The following INTS8 variants were observed in gnomAD, a reference collection of about 807,000 sequenced individuals.
The protein encoded by INTS8 is protein kaonashi-1.
In INTS8, 47 loss-of-function variants were observed where a neutral mutation model predicts 138.9. The ratio of observed to expected loss-of-function variants is 0.34; its 90% CI spans 0.27 to 0.43. The LOEUF is 0.43. INTS8 is among the 20% of genes least tolerant of loss of function. The pLI, the probability that INTS8 is intolerant of heterozygous loss-of-function variation, is 1.00. For missense variants in INTS8, 996 were observed against 1,173.0 expected, an observed-to-expected ratio of 0.85 and a Z score of 2.20; for synonymous variants, 392 against 400.9, an observed-to-expected ratio of 0.98 and a Z score of 0.27.
chr8:94,865,137 C>T (rs1816129462), intron 16 of INTS8, among the ~76,000 whole-genome samples: 1 of 151,962 alleles, frequency 6.6e-6, no homozygotes, highest in Non-Finnish European at 1.5e-5. Flanking sequence ...TTGGTGTATG[C>T]CTTCCATTAC....
Position 94,880,333 on chromosome 8 carries a change from G to C in INTS8, c.*99G>C, listed in dbSNP as rs1296397269. On this transcript the variant is annotated 3_prime_UTR_variant, in exon 27 of 27. Coordinates refer to ENST00000523731, the MANE Select transcript of INTS8 (RefSeq NM_017864.4). ...TATAATACATATGTACACAATTAGTGGTGTTTTCTTTTCAGACAAAATACT... is the reference window on the plus strand; with the variant it reads ...TATAATACATATGTACACAATTAGTCGTGTTTTCTTTTCAGACAAAATACT... 3 of 603,832 alleles carry C rather than the reference G, an allele frequency of 5.0e-6. No individual in the cohort carries two copies. The Admixed American group carries it at 1.0e-4, about 20-fold the overall frequency. 37.4% of individuals were successfully genotyped at this position (603,832 alleles called of 1,614,324 possible).
chr8:94,858,830 C>A (rs1262391162), intron 15 of INTS8, among the ~76,000 whole-genome samples: 1 of 152,178 alleles, frequency 6.6e-6, no homozygotes, highest in East Asian at 1.9e-4. Flanking sequence ...ACCTTTTTGG[C>A]TGAACAGTTT....
In INTS8 at chr8:94,881,499, G is replaced by C; in HGVS notation, c.*1265G>C. On this transcript the variant is annotated 3_prime_UTR_variant, in exon 27 of 27. Transcript: ENST00000523731. ...GTGCCAATTGTAAGTTTTAAAATCA[G>C]AATGGCAGTGTAACTTGTGAATTGG... 1 of 768,568 alleles carries C rather than the reference G, an allele frequency of 1.3e-6. No homozygotes were observed. The highest frequency in any genetic ancestry group is 2.1e-6 in the Non-Finnish European group (1 of 480,358). 47.6% of individuals were successfully genotyped at this position (768,568 alleles called of 1,614,324 possible). A position where few individuals can be genotyped will look rare whatever the true frequency, so the allele number is the denominator to read the frequency against.
intron 16 of INTS8, 124 bp downstream of exon 16, chr8:94,859,756 A>G (rs539076586): frequency 3.2e-5 from 23 of 728,102 alleles, no homozygotes; most frequent in Admixed American, 1.9e-4. Context: ...ATGCTTGTTG[A>G]TTTGTAGTTA....
rs1814440968 is a variant in INTS8 at position 94,825,082 on chromosome 8, A to G, written c.305+15A>G. ...TTAGAGAAAAGGTATCCAAGATTTCAGTGAAATTTCATTTGAAGTGCTATT... is the reference window on the plus strand; with the variant it reads ...TTAGAGAAAAGGTATCCAAGATTTCGGTGAAATTTCATTTGAAGTGCTATT... On this transcript the variant is annotated intron_variant, in intron 2 of 26. Coordinates refer to ENST00000523731, the MANE Select transcript of INTS8 (RefSeq NM_017864.4). 1.3e-6 allele frequency: 2 copies of G among 1,556,488 alleles called. No homozygotes were observed. Among genetic ancestry groups the G allele is most frequent in the African/African-American group, 1.4e-5 (1 of 73,162 alleles).
At chr8:94,844,381 A>G (rs1815253263) in intron 10 of INTS8, among the ~76,000 whole-genome samples, 1 of 151,842 alleles carries the variant, frequency 6.6e-6, no homozygotes, top group Non-Finnish European at 1.5e-5. Context: ...CAGTGGTACA[A>G]TTTCAGCTCA....
At chr8:94,861,430 T>C (rs1013933014) in intron 16 of INTS8, among the ~76,000 whole-genome samples, 7 of 149,970 alleles carry the variant, frequency 4.7e-5, no homozygotes, top group Admixed American at 4.7e-4. Flanking sequence ...CCCGGCTAAT[T>C]TTTTGTATTT....
chr8:94,862,787 G>A (rs912269505), intron 16 of INTS8, among the ~76,000 whole-genome samples: 6 of 151,950 alleles, frequency 3.9e-5, no homozygotes, highest in Middle Eastern at 3.2e-3. Context: ...TTAGAATGAG[G>A]GATTGTGTTT....
intron 16 of INTS8, among the ~76,000 whole-genome samples, chr8:94,863,475 GTACTGTTGTACTGATCCTGC>G (rs1321303818): frequency 6.6e-6 from 1 of 152,076 alleles, no homozygotes; most frequent in Non-Finnish European, 1.5e-5. Flanking sequence ...TGCTTCCTTT[GTACTGTTGTACTGATCCTGC>G]TACTGTTGTA....
chr8:94,875,998 T>C (rs1332425673), intron 23 of INTS8, 76 bp from the exon 24 acceptor site: 3 of 924,788 alleles, frequency 3.2e-6, no homozygotes, highest in Non-Finnish European at 5.4e-6. Context: ...AGGCTTAATA[T>C]AAGAGTAATT....
chr8:94,877,783 C>G (rs777457624), intron 26 of INTS8, among the ~76,000 whole-genome samples: 1 of 152,206 alleles, frequency 6.6e-6, no homozygotes, highest in Non-Finnish European at 1.5e-5. Context: ...GCAACCCACT[C>G]TCTGCCCATA....
intron 15 of INTS8, among the ~76,000 whole-genome samples, chr8:94,857,892 A>G (rs16917093): frequency 6.6e-5 from 10 of 152,140 alleles, no homozygotes; most frequent in African/African-American, 1.9e-4. Context: ...TAGAGAAACT[A>G]TATTGCAATG....
chr8:94,874,470 T>C, intron 22 of INTS8, 82 bp from the exon 23 acceptor site: 1 of 777,102 alleles, frequency 1.3e-6, no homozygotes, highest in Non-Finnish European at 2.3e-6. Flanking sequence ...CTTCCTCTTT[T>C]GACATCCCAT....
chr8:94,835,443 G>A (rs948639325), intron 6 of INTS8, among the ~76,000 whole-genome samples: 65 of 152,046 alleles, frequency 4.3e-4, no homozygotes, highest in African/African-American at 1.5e-3. Flanking sequence ...AGAAACATAC[G>A]ACTGGAAAAG....
At chr8:94,855,478 C>G (rs1815711488) in intron 14 of INTS8, among the ~76,000 whole-genome samples, 1 of 152,142 alleles carries the variant, frequency 6.6e-6, no homozygotes, top group African/African-American at 2.4e-5. Flanking sequence ...CATCATGAGA[C>G]AATTGTAAGC....
intron 3 of INTS8, 22 bp from the exon 4 acceptor site, chr8:94,827,700 C>T: frequency 6.2e-7 from 1 of 1,600,440 alleles, no homozygotes; most frequent in South Asian, 1.1e-5. Context: ...ATGAAATTTT[C>T]TTTTTCCTGT....
chr8:94,854,158 G>A (rs1554611149), intron 14 of INTS8, among the ~76,000 whole-genome samples: 1 of 149,740 alleles, frequency 6.7e-6, no homozygotes, highest in Admixed American at 6.7e-5. Context: ...GGAGGTTGGA[G>A]TTGCATCATT....
chr8:94,875,928 GT>G (rs1816550184), intron 23 of INTS8, 145 bp from the exon 24 acceptor site: 16 of 641,538 alleles, frequency 2.5e-5, no homozygotes, highest in Non-Finnish European at 4.2e-5. Flanking sequence ...GTGTATAAAG[GT>G]TTTTGAAATT....
At chr8:94,856,372 A>G (rs959217314) in intron 14 of INTS8, among the ~76,000 whole-genome samples, 7 of 152,160 alleles carry the variant, frequency 4.6e-5, no homozygotes, top group African/African-American at 1.7e-4. Context: ...TTGTTAGCCA[A>G]TTTTATCGTC....
Sources: gnomAD v4.1 joint callset for allele counts (sites outside exome capture counted in the v4.1 genomes callset) on GRCh38, gnomAD v4.1.1 for gene constraint, MANE v1.5 for transcripts, NCBI Gene and HGNC (gene_info 2026-07-23, HGNC 2026-07-21) for gene names.